Variants in GALNT13 observed in about 807,000 individuals in gnomAD.
GALNT13 encodes polypeptide N-acetylgalactosaminyltransferase 13.
A neutral mutation model predicts 64.2 loss-of-function variants in GALNT13; 28 were observed. The observed-to-expected ratio is 0.44, with a 90% confidence interval of 0.32 to 0.60. The LOEUF is 0.60. Among genes scored for constraint, GALNT13 ranks in the 20% least tolerant of loss-of-function variants. The pLI is 0.05. For synonymous variants in GALNT13, 214 were observed against 224.6 expected (o/e 0.95, Z 0.42); for missense variants, 577 against 669.8 (o/e 0.86, Z 1.53).
At chr2:154,210,676 G>C (rs10176223) in intron 4 of GALNT13, among the ~76,000 whole-genome samples, 4 of 152,040 alleles carry the variant, frequency 2.6e-5, no homozygotes, top group Admixed American at 2.6e-4. Context: ...AGATTGATAT[G>C]ATCATAATTT....
chr2:153,635,441 C>CACATATATATGTGTATATATATAT, the GALNT13 span, among the ~76,000 whole-genome samples: 18 of 129,854 alleles, frequency 1.4e-4, no homozygotes, highest in African/African-American at 5.2e-4. Flanking sequence ...TATATATATA[C>CACATATATATGTGTATATATATAT]ACACATATAT....
intron 3 of GALNT13, among the ~76,000 whole-genome samples, chr2:154,057,591 T>A (rs567647854): frequency 6.6e-6 from 1 of 152,288 alleles, no homozygotes; most frequent in South Asian, 2.1e-4. Flanking sequence ...CTGTATTAAA[T>A]GCAATAGCGG....
chr2:153,318,494 G>A, the GALNT13 span, among the ~76,000 whole-genome samples: 1 of 152,202 alleles, frequency 6.6e-6, no homozygotes, highest in Non-Finnish European at 1.5e-5. Flanking sequence ...TGCAAGTCCT[G>A]TAAGCTCTGA....
At chr2:153,770,825 C>T in the GALNT13 span, among the ~76,000 whole-genome samples, 4 of 152,212 alleles carry the variant, frequency 2.6e-5, no homozygotes, top group African/African-American at 9.6e-5. Flanking sequence ...GCTAGGCAGA[C>T]CCACCTACAG....
chr2:154,399,386 G>A (rs1020074050), intron 10 of GALNT13, among the ~76,000 whole-genome samples: 3 of 152,140 alleles, frequency 2.0e-5, no homozygotes, highest in Admixed American at 6.5e-5. Context: ...GGAAGTCCAA[G>A]ATCAAGGTGC....
chr2:154,372,191 G>A (rs1332630329), intron 9 of GALNT13, among the ~76,000 whole-genome samples: 2 of 152,226 alleles, frequency 1.3e-5, no homozygotes, highest in East Asian at 1.9e-4. Flanking sequence ...AAGAAAAGAA[G>A]TGGTTTAATT....
the GALNT13 span, among the ~76,000 whole-genome samples, chr2:153,127,183 C>T: frequency 1.3e-5 from 2 of 152,050 alleles, no homozygotes; most frequent in Non-Finnish European, 2.9e-5. Flanking sequence ...TAATGCAATA[C>T]ATTATAAATC....
chr2:153,461,766 G>C, the GALNT13 span, among the ~76,000 whole-genome samples: 1 of 151,996 alleles, frequency 6.6e-6, no homozygotes, highest in Non-Finnish European at 1.5e-5. Flanking sequence ...AATTAGACAA[G>C]AATCACCTCA....
the GALNT13 span, among the ~76,000 whole-genome samples, chr2:153,363,066 C>G: frequency 6.6e-6 from 1 of 152,080 alleles, no homozygotes; most frequent in Non-Finnish European, 1.5e-5. Context: ...AATTAGAACT[C>G]AGGATTCAGA....
the GALNT13 span, among the ~76,000 whole-genome samples, chr2:153,765,257 C>A: frequency 2.0e-5 from 3 of 152,210 alleles, no homozygotes; most frequent in African/African-American, 7.2e-5. Context: ...CCTGTGAAAG[C>A]AGCTGGGAGG....
At chr2:153,559,943 A>T in the GALNT13 span, among the ~76,000 whole-genome samples, 2 of 152,232 alleles carry the variant, frequency 1.3e-5, no homozygotes, top group South Asian at 2.1e-4. Context: ...AATCAATTTT[A>T]AAAATATTAT....
chr2:153,211,913 C>G, the GALNT13 span, among the ~76,000 whole-genome samples: 1 of 152,142 alleles, frequency 6.6e-6, no homozygotes, highest in Non-Finnish European at 1.5e-5. Context: ...GAGAAAGACA[C>G]AGTTACTTGT....
chr2:153,145,268 T>C, the GALNT13 span, among the ~76,000 whole-genome samples: 3 of 151,884 alleles, frequency 2.0e-5, no homozygotes, highest in African/African-American at 7.2e-5. Context: ...TAGAACAAAA[T>C]AGAACAAAGC....
the GALNT13 span, among the ~76,000 whole-genome samples, chr2:153,073,705 C>T: frequency 2.0e-5 from 3 of 152,134 alleles, no homozygotes; most frequent in South Asian, 2.1e-4. Context: ...ACAATAATTC[C>T]TTAATATCAT....
intron 8 of GALNT13, among the ~76,000 whole-genome samples, chr2:154,299,701 G>T (rs1353003446): frequency 1.3e-5 from 2 of 151,098 alleles, no homozygotes; most frequent in Admixed American, 1.3e-4. Context: ...TTGACCTCGT[G>T]ATCCGCCCAC....
chr2:154,215,655 G>A (rs1688003369), intron 4 of GALNT13, among the ~76,000 whole-genome samples: 1 of 152,060 alleles, frequency 6.6e-6, no homozygotes, highest in Admixed American at 6.6e-5. Context: ...ATTCCTTTAT[G>A]AGACCCCATA....
At chr2:153,773,488 T>C in the GALNT13 span, among the ~76,000 whole-genome samples, 1 of 152,226 alleles carries the variant, frequency 6.6e-6, no homozygotes, top group Non-Finnish European at 1.5e-5. Context: ...TTTTGTAGTA[T>C]TGTGTATTTG....
rs554482178 is a variant in GALNT13 at position 154,039,983 on chromosome 2, C to G, written c.142+95344C>G. Among the ~76,000 whole-genome samples, 59 of 140,672 alleles carry G rather than the reference C, an allele frequency of 4.2e-4. 4 individuals are homozygous for G. The highest frequency in any genetic ancestry group is 1.4e-3 in the African/African-American group (59 of 40,996). The allele number at this position is 140,672 out of a possible 152,430, so 92.3% of individuals were successfully genotyped here. A position where few individuals can be genotyped will look rare whatever the true frequency, so the allele number is the denominator to read the frequency against. On this transcript the variant is annotated intron_variant, in intron 3 of 12. Transcript: ENST00000392825. ...TGTTATCTGTAGCTTACTCTGGCCTCTTATGTTGACAAACTGTGTTTTTTA... is the reference window on the plus strand; with the variant it reads ...TGTTATCTGTAGCTTACTCTGGCCTGTTATGTTGACAAACTGTGTTTTTTA...
the GALNT13 span, among the ~76,000 whole-genome samples, chr2:153,392,104 T>C: frequency 1.3e-5 from 2 of 148,700 alleles, no homozygotes; most frequent in African/African-American, 4.9e-5. Flanking sequence ...ATATGTAACT[T>C]ATGTATGTTT....
Sources: gnomAD v4.1 joint callset for allele counts (sites outside exome capture counted in the v4.1 genomes callset) on GRCh38, gnomAD v4.1.1 for gene constraint, MANE v1.5 for transcripts, NCBI Gene and HGNC (gene_info 2026-07-23, HGNC 2026-07-21) for gene names.